The following PRMT1 variants were observed in gnomAD, a reference collection of about 807,000 sequenced individuals.
PRMT1 encodes protein arginine methyltransferase 1, also known as protein arginine N-methyltransferase 1.
A neutral mutation model predicts 47.4 loss-of-function variants in PRMT1; 5 were observed. That is an observed-to-expected ratio of 0.11 (90% CI 0.06 to 0.22). The LOEUF (loss-of-function observed/expected upper bound fraction) is 0.22. Ranked by LOEUF, PRMT1 falls within the 10% of genes least tolerant of loss-of-function variation. The pLI, the probability that PRMT1 is intolerant of heterozygous loss-of-function variation, is 1.00. For missense variants in PRMT1, 249 were observed against 518.4 expected (o/e 0.48, Z 5.05); for synonymous variants, 227 against 204.6 (o/e 1.11, Z -0.94).
At position 49,680,194 on chromosome 19, in the gene PRMT1, G is replaced by C. The variant is rs1371848739; in HGVS notation, c.90+269G>C. The C allele has an allele frequency of 6.3e-7, 1 of 1,593,766 alleles. No homozygotes were observed. Among genetic ancestry groups the C allele is most frequent in the Admixed American group, 1.7e-5 (1 of 58,106 alleles). On this transcript the variant is annotated intron_variant, in intron 2 of 10. Transcript: ENST00000454376. This position sits in a 1 kb window ranked among gnomAD's most constrained non-coding sequence, Gnocchi z 4.2. ...CATTTTCCTTCCCCTCCCCTCCCCA[G>C]CTGTGGGCTGAGCTAGAGACGGGGT...
chr19:49,686,769 G>A (rs757435464), intron 10 of PRMT1, 43 bp downstream of exon 10: 33 of 1,504,856 alleles, frequency 2.2e-5, no homozygotes, highest in South Asian at 8.4e-5. Flanking sequence ...CAGCTAGGGC[G>A]GGGAGTGTAG....
Position 49,688,073 on chromosome 19 carries a change from C to T in PRMT1, c.1033-89C>T. ...GTGGAGATGGGCAGGAAGCTGGAGC[C>T]CGGCTCATCGTCGCATAGCCTGCCT... is the stretch of plus-strand genomic sequence containing the variant. On this transcript the variant is annotated intron_variant, in intron 10 of 10. Coordinates refer to ENST00000454376, the MANE Select transcript of PRMT1 (RefSeq NM_001536.6). This position sits in a 1 kb window ranked among gnomAD's most constrained non-coding sequence, Gnocchi z 5.3. 2 of 1,160,180 alleles carry T rather than the reference C, an allele frequency of 1.7e-6. No homozygotes were observed. Among genetic ancestry groups the T allele is most frequent in the African/African-American group, 1.5e-5 (1 of 66,064 alleles). 71.9% of individuals were successfully genotyped at this position (1,160,180 alleles called of 1,614,324 possible). A position where few individuals can be genotyped will look rare whatever the true frequency, so the allele number is the denominator to read the frequency against.
Position 49,684,945 on chromosome 19 carries a change from G to A in PRMT1, c.667G>A (p.Asp223Asn), listed in dbSNP as rs199923886. 2.6e-5 allele frequency: 41 copies of A among 1,600,394 alleles called. No homozygotes were observed. The highest frequency in any genetic ancestry group is 2.1e-5 in the Non-Finnish European group (25 of 1,170,766). The change falls in exon 8 of 11, where the codon GAC (aspartate) becomes AAC (asparagine). Residue 223 changes from aspartate to asparagine, a missense_variant. By Grantham distance (23) the Asp-to-Asn change is conservative. Transcript: ENST00000454376. The surrounding 1 kb of genome is among the most constrained non-coding windows in gnomAD (Gnocchi z 6.2). ...AGGGTGGGAGAACGTGTATGGCTTC[G>A]ACATGTCTTGCATCAAAGATGTGGC... ...IHWWENVYGF[D>N]MSCIKDVAIK...
chr19:49,686,685 A>G lies in PRMT1; in HGVS notation c.991A>G (p.Ile331Val), dbSNP rs368980947. 52 of 1,611,110 alleles carry G rather than the reference A, an allele frequency of 3.2e-5. No homozygotes were observed. Among genetic ancestry groups the G allele is most frequent in the Non-Finnish European group, 4.4e-5 (52 of 1,179,040 alleles). The change falls in exon 10 of 11, where the codon ATC becomes GTC. Residue 331 changes from isoleucine (I) to valine (V), a missense_variant. Coordinates refer to ENST00000454376, the MANE Select transcript of PRMT1 (RefSeq NM_001536.6). ...CCTGACCGTGAAGACGGGCGAGGAG[A>G]TCTTCGGCACCATCGGCATGCGGCC... ...DYLTVKTGEEIFGTIGMRPNA... is the reference protein window; with the variant it reads ...DYLTVKTGEEVFGTIGMRPNA...
intron 1 of PRMT1, among the ~76,000 whole-genome samples, chr19:49,678,030 G>C (rs1020359911): frequency 5.3e-5 from 8 of 152,188 alleles, no homozygotes; most frequent in East Asian, 3.9e-4. Context: ...TCTGGGTGGT[G>C]GTGGGGCATC....
At position 49,685,096 on chromosome 19, in the gene PRMT1, C is replaced by T. The variant is rs1306606497; in HGVS notation, c.759+59C>T. On this transcript the variant is annotated intron_variant, in intron 8 of 10. Coordinates refer to ENST00000454376, the MANE Select transcript of PRMT1 (RefSeq NM_001536.6). The surrounding 1 kb of genome is among the most constrained non-coding windows in gnomAD (Gnocchi z 4.7). ...GTTGAAACCAAAGAGAGGCCATCAC[C>T]TGGCCCTGGCATGGGACTTTGGGGC... The T allele has an allele frequency of 2.5e-6, 4 of 1,609,592 alleles. No individual in the cohort carries two copies. The highest frequency in any genetic ancestry group is 3.4e-5 in the Admixed American group (2 of 58,904).
chr19:49,682,326 C>G, intron 5 of PRMT1, 67 bp downstream of exon 5: 3 of 1,531,296 alleles, frequency 2.0e-6, no homozygotes, highest in Non-Finnish European at 2.7e-6. Flanking sequence ...CCAGGGCCCT[C>G]TGAAGAGCAG....
Position 49,686,744 on chromosome 19 carries a change from T to C in PRMT1, c.1032+18T>C, listed in dbSNP as rs1382230577. ...AGAACAACGTGAGGCTCCGGGCAGCTGGGTGGGAGGGTGGCAGCTAGGGCG... is the reference window on the plus strand; with the variant it reads ...AGAACAACGTGAGGCTCCGGGCAGCCGGGTGGGAGGGTGGCAGCTAGGGCG... On this transcript the variant is annotated intron_variant, in intron 10 of 10. Transcript: ENST00000454376. The C allele has an allele frequency of 1.4e-6, 2 of 1,398,710 alleles. No homozygotes were observed. Among genetic ancestry groups the C allele is most frequent in the Non-Finnish European group, 1.9e-6 (2 of 1,051,432 alleles). The allele number at this position is 1,398,710 out of a possible 1,614,324, so 86.6% of individuals were successfully genotyped here. A position where few individuals can be genotyped will look rare whatever the true frequency, so the allele number is the denominator to read the frequency against.
chr19:49,685,370 C>T lies in PRMT1; in HGVS notation c.759+333C>T, dbSNP rs527537637. On this transcript the variant is annotated intron_variant, in intron 8 of 10. Coordinates refer to ENST00000454376, the MANE Select transcript of PRMT1 (RefSeq NM_001536.6). The surrounding 1 kb of genome is among the most constrained non-coding windows in gnomAD (Gnocchi z 4.7). ...GCACGCGGGCCACTGCAGAAGAGCA[C>T]GGGGCCAGGCTGGGCTCCGAGATGT... 1,547 of 1,251,760 alleles carry T rather than the reference C, an allele frequency of 1.2e-3. 1 individual carries two copies. Among genetic ancestry groups the T allele is most frequent in the Non-Finnish European group, 1.5e-3 (1,469 of 984,740 alleles). The allele number at this position is 1,251,760 out of a possible 1,614,324, so 77.5% of individuals were successfully genotyped here. A position where few individuals can be genotyped will look rare whatever the true frequency, so the allele number is the denominator to read the frequency against.
Position 49,688,337 on chromosome 19 carries a change from G to T in PRMT1, c.*92G>T. 8.2e-7 allele frequency: 1 copy of T among 1,224,740 alleles called. No individual in the cohort carries two copies. The allele number at this position is 1,224,740 out of a possible 1,614,324, so 75.9% of individuals were successfully genotyped here. A position where few individuals can be genotyped will look rare whatever the true frequency, so the allele number is the denominator to read the frequency against. On this transcript the variant is annotated 3_prime_UTR_variant, in exon 11 of 11. Coordinates refer to ENST00000454376, the MANE Select transcript of PRMT1 (RefSeq NM_001536.6). The surrounding 1 kb of genome is among the most constrained non-coding windows in gnomAD (Gnocchi z 5.3). ...CTTCCTCTCCCTCCCTCCCGCAGAAGGGGGTTTTAGGGGCCTGGGCTGGGG... is the reference window on the plus strand; with the variant it reads ...CTTCCTCTCCCTCCCTCCCGCAGAATGGGGTTTTAGGGGCCTGGGCTGGGG...
At chr19:49,687,180 T>G (rs1272923251) in intron 10 of PRMT1, among the ~76,000 whole-genome samples, 1 of 151,854 alleles carries the variant, frequency 6.6e-6, no homozygotes, top group Admixed American at 6.6e-5. Flanking sequence ...AAAGGCAGCT[T>G]TTTGTTTTCT....
At chr19:49,679,101 C>T (rs1331741327) in intron 1 of PRMT1, among the ~76,000 whole-genome samples, 1 of 152,104 alleles carries the variant, frequency 6.6e-6, no homozygotes, top group Non-Finnish European at 1.5e-5. Flanking sequence ...TCAGGCTGGT[C>T]TCAAACTCCT....
chr19:49,680,940 G>T lies in PRMT1; in HGVS notation c.192+352G>T, dbSNP rs977161403. 3.9e-5 allele frequency among the ~76,000 whole-genome samples: 6 copies of T among 152,268 alleles called. No homozygotes were observed. The highest frequency in any genetic ancestry group is 2.1e-4 in the South Asian group (1 of 4,838). On this transcript the variant is annotated intron_variant, in intron 3 of 10. Coordinates refer to ENST00000454376, the MANE Select transcript of PRMT1 (RefSeq NM_001536.6). The surrounding 1 kb of genome is among the most constrained non-coding windows in gnomAD (Gnocchi z 4.2). ...GCCCTAACAGCTTCTGCACACTTCAGATCTGACTGAAGACACTGAAATCCC... is the reference window on the plus strand; with the variant it reads ...GCCCTAACAGCTTCTGCACACTTCATATCTGACTGAAGACACTGAAATCCC...
chr19:49,682,316 C>A, intron 5 of PRMT1, 57 bp downstream of exon 5: 1 of 1,559,924 alleles, frequency 6.4e-7, no homozygotes, highest in Non-Finnish European at 8.8e-7. Flanking sequence ...CCCTGCTTCC[C>A]CAGGGCCCTC....
At position 49,682,062 on chromosome 19, in the gene PRMT1, C is replaced by T. The variant is rs143554083; in HGVS notation, c.345C>T (p.Ile115=). ...CCAAGGCCGGGGCCCGCAAGGTCATCGGGGTGAGTCTCCAGGGTGGCCAGG... is the reference window on the plus strand; with the variant it reads ...CCAAGGCCGGGGCCCGCAAGGTCATTGGGGTGAGTCTCCAGGGTGGCCAGG... ...FAAKAGARKV[I]GIECSSISDY... The change falls in exon 4 of 11, where the codon ATC becomes ATT. Residue 115 remains isoleucine, a synonymous_variant. Transcript: ENST00000454376. 215 of 1,613,880 alleles carry T rather than the reference C, an allele frequency of 1.3e-4. No individual in the cohort carries two copies. The highest frequency in any genetic ancestry group is 4.0e-4 in the African/African-American group (30 of 74,936).
Position 49,680,072 on chromosome 19 carries a change from C to T in PRMT1, c.90+147C>T. 2.7e-6 allele frequency: 3 copies of T among 1,100,784 alleles called. No homozygotes were observed. The highest frequency in any genetic ancestry group is 5.1e-5 in the East Asian group (2 of 38,860). The allele number at this position is 1,100,784 out of a possible 1,614,324, so 68.2% of individuals were successfully genotyped here. ...GGCCCCCAGACACTTAGTAGCAACC[C>T]CTCCAGGTTCACAGCCCCCGCTGGC... On this transcript the variant is annotated intron_variant, in intron 2 of 10. Transcript: ENST00000454376. This position sits in a 1 kb window ranked among gnomAD's most constrained non-coding sequence, Gnocchi z 4.2.
At chr19:49,676,801 C>A (rs934065454), upstream of PRMT1, among the ~76,000 whole-genome samples, 1 of 152,326 alleles carries the variant, frequency 6.6e-6, no homozygotes, top group Admixed American at 6.5e-5. Flanking sequence ...TCCTTGAGGC[C>A]GGCCGCTTGG....
chr19:49,686,296 C>G, intron 9 of PRMT1, 53 bp downstream of exon 9: 1 of 1,533,376 alleles, frequency 6.5e-7, no homozygotes, highest in Non-Finnish European at 8.8e-7. Flanking sequence ...GGCGGAGGCG[C>G]ACCCACGTAG....
At chr19:49,683,854 C>A in intron 5 of PRMT1, 73 bp from the exon 6 acceptor site, 4 of 1,551,682 alleles carry the variant, frequency 2.6e-6, no homozygotes, top group South Asian at 1.2e-5. Flanking sequence ...TCCCCAGGCT[C>A]TAGCCCCCGG....
Sources: gnomAD v4.1 joint callset for allele counts (sites outside exome capture counted in the v4.1 genomes callset) on GRCh38, gnomAD v4.1.1 for gene constraint, Gnocchi (gnomAD v3.1) non-coding constraint, MANE v1.5 for transcripts, NCBI Gene and HGNC (gene_info 2026-07-23, HGNC 2026-07-21) for gene names.